GOT1: variants seen among roughly 807,000 people sequenced by gnomAD.
GOT1 encodes aspartate aminotransferase, cytoplasmic.
In GOT1, 25 loss-of-function variants were observed where a neutral mutation model predicts 48.2. The ratio of observed to expected loss-of-function variants is 0.52; its 90% CI spans 0.38 to 0.72. GOT1 has a LOEUF of 0.72. Among genes scored for constraint, GOT1 ranks in the 30% least tolerant of loss-of-function variants. The pLI is 0.00. For missense variants in GOT1, 380 were observed against 520.1 expected, an observed-to-expected ratio of 0.73 and a Z score of 2.62; for synonymous variants, 188 against 193.8, an observed-to-expected ratio of 0.97 and a Z score of 0.25.
intron 1 of GOT1, among the ~76,000 whole-genome samples, chr10:99,425,873 T>C (rs544934262): frequency 6.6e-6 from 1 of 152,278 alleles, no homozygotes; most frequent in South Asian, 2.1e-4. Flanking sequence ...GTCTGGGGCA[T>C]GGAGAAAGAC....
At chr10:99,399,093 T>C (rs1407507229) in intron 8 of GOT1, among the ~76,000 whole-genome samples, 1 of 152,200 alleles carries the variant, frequency 6.6e-6, no homozygotes, top group Non-Finnish European at 1.5e-5. Flanking sequence ...TGAGAGGGCC[T>C]ACATACAGAA....
intron 1 of GOT1, among the ~76,000 whole-genome samples, chr10:99,424,038 C>T (rs549650087): frequency 3.3e-5 from 5 of 152,168 alleles, no homozygotes; most frequent in Non-Finnish European, 7.3e-5. Context: ...CCTCCTTCGC[C>T]AGCTGGGATT....
chr10:99,404,588 A>G (rs1424040756), intron 5 of GOT1, among the ~76,000 whole-genome samples: 1 of 151,152 alleles, frequency 6.6e-6, no homozygotes, highest in Non-Finnish European at 1.5e-5. Flanking sequence ...GTCACCATCA[A>G]CTCCTACCTG....
chr10:99,422,243 C>T (rs1473315290), intron 1 of GOT1, among the ~76,000 whole-genome samples: 3 of 152,188 alleles, frequency 2.0e-5, no homozygotes, highest in Non-Finnish European at 2.9e-5. Flanking sequence ...CTTGCTTGCG[C>T]TTCACTCTTC....
At chr10:99,429,737 G>T (rs3793935) in intron 1 of GOT1, among the ~76,000 whole-genome samples, 113,048 of 152,044 alleles carry the variant, frequency 0.74, 43,281 homozygotes, top group South Asian at 0.85. Flanking sequence ...CCAAGGTACA[G>T]AAGAGAATCA....
intron 7 of GOT1, 103 bp from the exon 8 acceptor site, chr10:99,402,825 G>T: frequency 1.1e-6 from 1 of 915,776 alleles, no homozygotes; most frequent in Non-Finnish European, 1.7e-6. Flanking sequence ...CTGACAATGG[G>T]ATCATAACCT....
At position 99,406,261 on chromosome 10, in the gene GOT1, G is replaced by T. The variant is rs374310263; in HGVS notation, c.425-12C>A. 3.8e-5 allele frequency: 60 copies of T among 1,588,690 alleles called. No individual in the cohort carries two copies. Among genetic ancestry groups the T allele is most frequent in the Non-Finnish European group, 4.9e-5 (57 of 1,156,954 alleles). ...AGCATTGTGATTCTCTGCATGCAAA[G>T]AAGTAAAAAGTTAAGCACTTTACAA... On this transcript the variant is annotated splice_polypyrimidine_tract_variant and intron_variant, in intron 3 of 8. Coordinates refer to ENST00000370508, the MANE Select transcript of GOT1 (RefSeq NM_002079.3).
intron 2 of GOT1, among the ~76,000 whole-genome samples, chr10:99,412,760 C>T (rs1385695977): frequency 2.0e-5 from 3 of 152,136 alleles, no homozygotes; most frequent in Admixed American, 6.5e-5. Flanking sequence ...TCCAGAGGAA[C>T]GATCAGGCAG....
intron 2 of GOT1, among the ~76,000 whole-genome samples, chr10:99,418,335 A>G (rs956909148): frequency 2.0e-5 from 3 of 152,132 alleles, no homozygotes; most frequent in Non-Finnish European, 4.4e-5. Context: ...GCAGAGGAAC[A>G]GCATCTGCCC....
intron 4 of GOT1, 28 bp from the exon 5 acceptor site, chr10:99,405,888 T>C (rs747483594): frequency 9.8e-6 from 12 of 1,228,106 alleles, no homozygotes; most frequent in Non-Finnish European, 1.4e-5. Context: ...ATGTCAGCTC[T>C]GACACTGATG....
intron 5 of GOT1, 25 bp downstream of exon 5, chr10:99,405,731 A>C: frequency 1.9e-6 from 2 of 1,046,564 alleles, no homozygotes; most frequent in Non-Finnish European, 3.0e-6. Context: ...CTATTTTTTA[A>C]GAGATGCTCT....
In GOT1 at chr10:99,415,001, A is replaced by G. The variant is rs547584406; in HGVS notation, c.300+5623T>C. 8.5e-5 allele frequency among the ~76,000 whole-genome samples: 13 copies of G among 152,344 alleles called. No homozygotes were observed. The South Asian group carries it at 2.7e-3, about 32-fold the overall frequency. ...ACAAGAGAAAGCAGGAAAGATCTAA[A>G]ATTCACACCCTAACATCACAATTAA... On this transcript the variant is annotated intron_variant, in intron 2 of 8. Transcript: ENST00000370508.
chr10:99,415,709 C>G (rs575629136), intron 2 of GOT1, among the ~76,000 whole-genome samples: 112 of 152,268 alleles, frequency 7.4e-4, no homozygotes, highest in African/African-American at 2.6e-3. Flanking sequence ...TGCTGGCAAA[C>G]CAAATCCAGC....
chr10:99,416,711 G>C (rs1589941060), intron 2 of GOT1, among the ~76,000 whole-genome samples: 2 of 152,166 alleles, frequency 1.3e-5, no homozygotes. Context: ...AAACAGCATG[G>C]TACTGGTACC....
Position 99,418,447 on chromosome 10 carries a change from T to A in GOT1, c.300+2177A>T, listed in dbSNP as rs2032925694. ...GTCAGCAACAGAATTCCAACTAATTTATTTAGTTTCAGAAGAGAGGCCCCA... is the reference window on the plus strand; with the variant it reads ...GTCAGCAACAGAATTCCAACTAATTAATTTAGTTTCAGAAGAGAGGCCCCA... On this transcript the variant is annotated intron_variant, in intron 2 of 8. Coordinates refer to ENST00000370508, the MANE Select transcript of GOT1 (RefSeq NM_002079.3). 2.7e-5 allele frequency among the ~76,000 whole-genome samples: 4 copies of A among 150,000 alleles called. No homozygotes were observed. In the South Asian group the frequency reaches 8.3e-4, roughly 31 times the overall value.
chr10:99,406,390 A>G, intron 3 of GOT1, 141 bp from the exon 4 acceptor site: 1 of 658,562 alleles, frequency 1.5e-6, no homozygotes. Flanking sequence ...GATGTAGAGG[A>G]ATGATTGTAA....
intron 2 of GOT1, among the ~76,000 whole-genome samples, chr10:99,415,496 C>T (rs1394846138): frequency 2.0e-5 from 3 of 152,246 alleles, no homozygotes; most frequent in East Asian, 3.9e-4. Flanking sequence ...GATTCACAGC[C>T]GAATTCTACC....
rs552495346 is a variant in GOT1, at chr10:99,397,055, A to G, written c.*492T>C. 2 of 157,468 alleles carry G rather than the reference A, an allele frequency of 1.3e-5. No homozygotes were observed. The highest frequency in any genetic ancestry group is 3.6e-4 in the East Asian group (2 of 5,528). The allele number at this position is 157,468 out of a possible 1,614,324, so 9.8% of individuals were successfully genotyped here. A position where few individuals can be genotyped will look rare whatever the true frequency, so the allele number is the denominator to read the frequency against. ...CCTTCTTACCACAGTCACCCTAAAG[A>G]ACCAAAGCTTAGGACTAGGGACACA... On this transcript the variant is annotated 3_prime_UTR_variant, in exon 9 of 9. Transcript: ENST00000370508. The surrounding 1 kb of genome is among the most constrained non-coding windows in gnomAD (Gnocchi z 5.4).
intron 2 of GOT1, among the ~76,000 whole-genome samples, chr10:99,416,492 A>C (rs980718722): frequency 6.6e-6 from 1 of 152,266 alleles, no homozygotes; most frequent in African/African-American, 2.4e-5. Context: ...AGGAAGAATC[A>C]ATATCATGAA....
Sources: gnomAD v4.1 joint callset for allele counts (sites outside exome capture counted in the v4.1 genomes callset) on GRCh38, gnomAD v4.1.1 for gene constraint, Gnocchi (gnomAD v3.1) non-coding constraint, MANE v1.5 for transcripts, NCBI Gene and HGNC (gene_info 2026-07-23, HGNC 2026-07-21) for gene names.